CRACD: variants seen among roughly 807,000 people sequenced by gnomAD.
CRACD encodes the protein capping protein inhibiting regulator of actin dynamics.
In CRACD, 56 loss-of-function variants were observed where a neutral mutation model predicts 106.8. That is an observed-to-expected ratio of 0.52 (90% CI 0.42 to 0.66). The LOEUF (loss-of-function observed/expected upper bound fraction) is 0.66, where lower values mean the gene tolerates loss of function less well. Ranked by LOEUF, CRACD falls within the 30% of genes least tolerant of loss-of-function variation. CRACD has a pLI of 0.00. For missense variants in CRACD, 1,730 were observed against 1,623.2 expected, an observed-to-expected ratio of 1.07 and a Z score of -1.13; for synonymous variants, 754 against 670.8, an observed-to-expected ratio of 1.12 and a Z score of -1.92.
At position 56,316,163 on chromosome 4, in the gene CRACD, G is replaced by T. The variant is rs762939032; in HGVS notation, c.2661G>T (p.Gly887=). ...DSADAGPPAA[G]SARGEKEMEG... ...CGGATGCAGGGCCGCCTGCAGCGGGGAGCGCTCGTGGAGAGAAAGAGATGG... is the reference window on the plus strand; with the variant it reads ...CGGATGCAGGGCCGCCTGCAGCGGGTAGCGCTCGTGGAGAGAAAGAGATGG... Residue 887 remains glycine (G), a synonymous_variant, in exon 8 of 11, where the codon GGG becomes GGT. Transcript: ENST00000682029. 8 of 1,614,162 alleles carry T rather than the reference G, an allele frequency of 5.0e-6. No homozygotes were observed. The highest frequency in any genetic ancestry group is 6.8e-6 in the Non-Finnish European group (8 of 1,180,014).
intron 2 of CRACD, among the ~76,000 whole-genome samples, chr4:56,190,242 C>T (rs1448144148): frequency 1.3e-5 from 2 of 151,856 alleles, no homozygotes; most frequent in East Asian, 3.9e-4. Context: ...GGGTTGGTTC[C>T]AAGTCTTTGC....
At chr4:56,247,464 C>G (rs549653803) in intron 2 of CRACD, among the ~76,000 whole-genome samples, 5 of 152,304 alleles carry the variant, frequency 3.3e-5, no homozygotes, top group African/African-American at 1.2e-4. Flanking sequence ...CTTTGGCTTT[C>G]AGAGTTACAT....
At chr4:56,247,700 G>A (rs1740762939) in intron 2 of CRACD, among the ~76,000 whole-genome samples, 1 of 152,110 alleles carries the variant, frequency 6.6e-6, no homozygotes, top group East Asian at 1.9e-4. Context: ...ACAAAAATTA[G>A]CTAGGCGTGT....
intron 2 of CRACD, among the ~76,000 whole-genome samples, chr4:56,223,074 T>C (rs1739133116): frequency 6.6e-6 from 1 of 151,056 alleles, no homozygotes; most frequent in Admixed American, 6.6e-5. Flanking sequence ...CTTCACCTTA[T>C]AATGGCCATG....
At chr4:56,168,046 A>G (rs1343323874) in intron 1 of CRACD, among the ~76,000 whole-genome samples, 1 of 152,164 alleles carries the variant, frequency 6.6e-6, no homozygotes, top group Admixed American at 6.5e-5. Context: ...TCCAATCTGT[A>G]TCACTTTTAT....
chr4:56,320,341 G>A (rs767578001), intron 8 of CRACD, among the ~76,000 whole-genome samples: 3 of 152,060 alleles, frequency 2.0e-5, no homozygotes, highest in African/African-American at 4.8e-5. Context: ...ACTATGATAC[G>A]CCTGTCCACT....
chr4:56,284,081 G>A (rs941806531), intron 3 of CRACD, among the ~76,000 whole-genome samples: 1 of 152,082 alleles, frequency 6.6e-6, no homozygotes, highest in East Asian at 1.9e-4. Flanking sequence ...TCTGCCTCAC[G>A]CTTTCCATTG....
chr4:56,238,182 A>G (rs757999209), intron 2 of CRACD, among the ~76,000 whole-genome samples: 2 of 152,198 alleles, frequency 1.3e-5, no homozygotes, highest in Non-Finnish European at 2.9e-5. Flanking sequence ...GTCTACTCCA[A>G]TTGACATTGG....
At chr4:56,275,256 G>C (rs998648306) in intron 3 of CRACD, among the ~76,000 whole-genome samples, 2 of 152,056 alleles carry the variant, frequency 1.3e-5, no homozygotes, top group Non-Finnish European at 2.9e-5. Context: ...AAACCTTCAC[G>C]TGTACCCCTG....
At chr4:56,212,625 C>G (rs1342732896) in intron 2 of CRACD, among the ~76,000 whole-genome samples, 2 of 152,100 alleles carry the variant, frequency 1.3e-5, no homozygotes, top group African/African-American at 2.4e-5. Flanking sequence ...TTATGGATCT[C>G]ATTTTTACCT....
chr4:56,207,425 C>T (rs76245317), intron 2 of CRACD, among the ~76,000 whole-genome samples: 1,652 of 152,238 alleles, frequency 0.011, 38 homozygotes, highest in African/African-American at 0.038. Context: ...TGAAGGCCTC[C>T]TGGCAATGTT....
At chr4:56,313,980 A>G in intron 7 of CRACD, 60 bp from the exon 8 acceptor site, 1 of 1,551,278 alleles carries the variant, frequency 6.4e-7, no homozygotes, top group East Asian at 2.3e-5. Flanking sequence ...TGAATAGGAA[A>G]AGGAACGACT....
intron 1 of CRACD, among the ~76,000 whole-genome samples, chr4:56,119,201 A>G (rs1173742134): frequency 6.6e-6 from 1 of 152,238 alleles, no homozygotes; most frequent in Non-Finnish European, 1.5e-5. Context: ...CCATGCTCTT[A>G]ACCACTACTC....
intron 1 of CRACD, among the ~76,000 whole-genome samples, chr4:56,159,851 G>C (rs1336582144): frequency 6.6e-6 from 1 of 150,570 alleles, no homozygotes; most frequent in Non-Finnish European, 1.5e-5. Context: ...GCACAATCTA[G>C]GCTCACCGAA....
chr4:56,092,805 T>G (rs181028897), intron 1 of CRACD, among the ~76,000 whole-genome samples: 2 of 152,204 alleles, frequency 1.3e-5, no homozygotes, highest in East Asian at 3.9e-4. Context: ...CAGAGTCTTG[T>G]GATGTTTCCT....
rs568906045 is a variant in CRACD, at chr4:56,280,136, C to A, written c.-17+7644C>A. ...GGAAGGGGAACATCACACACTGGGG[C>A]CTGTTGTGGGGTGGGGGGAGGGGGG... On this transcript the variant is annotated intron_variant, in intron 3 of 10. Coordinates refer to ENST00000682029, the MANE Select transcript of CRACD (RefSeq NM_001393381.1). 1.5e-4 allele frequency among the ~76,000 whole-genome samples: 18 copies of A among 118,628 alleles called. No individual in the cohort carries two copies. In the East Asian group the frequency reaches 3.6e-3, roughly 24 times the overall value. The allele number at this position is 118,628 out of a possible 152,430, so 77.8% of individuals were successfully genotyped here. A position where few individuals can be genotyped will look rare whatever the true frequency, so the allele number is the denominator to read the frequency against.
chr4:56,112,994 A>C, intron 1 of CRACD, among the ~76,000 whole-genome samples: 1 of 149,544 alleles, frequency 6.7e-6, no homozygotes, highest in East Asian at 2.0e-4. Flanking sequence ...AAAAAAAAAA[A>C]TTCCCAGATA....
chr4:56,189,472 T>G (rs1258348154), intron 2 of CRACD, among the ~76,000 whole-genome samples: 1 of 151,768 alleles, frequency 6.6e-6, no homozygotes, highest in Non-Finnish European at 1.5e-5. Context: ...TATGTATACA[T>G]GTACCATGTT....
chr4:56,196,616 T>A (rs921547664), intron 2 of CRACD, among the ~76,000 whole-genome samples: 9 of 152,240 alleles, frequency 5.9e-5, no homozygotes, highest in African/African-American at 2.2e-4. Context: ...CTTAAACAGA[T>A]GCCATCCGTC....
Sources: allele counts gnomAD v4.1 joint callset (sites outside exome capture counted in the v4.1 genomes callset), GRCh38; gene constraint gnomAD v4.1.1; transcripts MANE v1.5; gene names NCBI Gene and HGNC (gene_info 2026-07-23, HGNC 2026-07-21).